ESRRB: variants seen among roughly 807,000 people sequenced by gnomAD.
The protein encoded by ESRRB is estrogen related receptor beta.
A neutral mutation model predicts 46.0 loss-of-function variants in ESRRB; 16 were observed. That is an observed-to-expected ratio of 0.35 (90% CI 0.24 to 0.53). ESRRB has a LOEUF of 0.53. Ranked by LOEUF, ESRRB falls within the 20% of genes least tolerant of loss-of-function variation. ESRRB has a pLI of 0.93. For missense variants in ESRRB, 488 were observed against 607.4 expected, an observed-to-expected ratio of 0.80 and a Z score of 2.07; for synonymous variants, 246 against 259.6, an observed-to-expected ratio of 0.95 and a Z score of 0.50.
In ESRRB at chr14:76,498,910, C is replaced by T. The variant is rs761621408; in HGVS notation, c.*452C>T. On this transcript the variant is annotated 3_prime_UTR_variant, in exon 7 of 7. Transcript: ENST00000644823. ...CTGGAGGTTTTCCTTCCGCAGAGGG[C>T]AGGTACGCAAGGGACAACAGTATCT... 1.9e-6 allele frequency: 1 copy of T among 526,904 alleles called. No homozygotes were observed. The highest frequency in any genetic ancestry group is 1.9e-5 in the African/African-American group (1 of 52,008). The allele number at this position is 526,904 out of a possible 1,614,324, so 32.6% of individuals were successfully genotyped here. A position where few individuals can be genotyped will look rare whatever the true frequency, so the allele number is the denominator to read the frequency against.
intron 1 of ESRRB, chr14:76,407,730 TACCAC>T: frequency 2.0e-5 from 6 of 297,236 alleles, no homozygotes; most frequent in Non-Finnish European, 3.0e-5. Flanking sequence ...AGGGCAGAAA[TACCAC>T]ATTACTGCCT....
At chr14:76,399,888 C>G (rs1211226583) in intron 1 of ESRRB, among the ~76,000 whole-genome samples, 1 of 152,212 alleles carries the variant, frequency 6.6e-6, no homozygotes, top group African/African-American at 2.4e-5. Flanking sequence ...TTTCAAGGAG[C>G]AAACTCGGTG....
At chr14:76,464,185 G>C (rs1028125205) in intron 3 of ESRRB, among the ~76,000 whole-genome samples, 2 of 152,190 alleles carry the variant, frequency 1.3e-5, no homozygotes, top group Non-Finnish European at 2.9e-5. Flanking sequence ...GTGTGTGGGG[G>C]TGATCAGAAG....
chr14:76,387,349 C>T (rs1885277065), intron 1 of ESRRB, among the ~76,000 whole-genome samples: 1 of 152,198 alleles, frequency 6.6e-6, no homozygotes, highest in Non-Finnish European at 1.5e-5. Flanking sequence ...CTCTAGAGCC[C>T]CCTACAGGCA....
At chr14:76,335,700 A>G (rs2139745417) in intron 1 of ESRRB, among the ~76,000 whole-genome samples, 1 of 152,238 alleles carries the variant, frequency 6.6e-6, no homozygotes, top group East Asian at 1.9e-4. Context: ...TGACTATGCC[A>G]TTCTCTTCCC....
At chr14:76,334,399 A>G (rs919321900) in intron 1 of ESRRB, among the ~76,000 whole-genome samples, 1 of 152,150 alleles carries the variant, frequency 6.6e-6, no homozygotes, top group Non-Finnish European at 1.5e-5. Context: ...CGGAGGGCCC[A>G]GTGTACCCCT....
chr14:76,465,166 G>C (rs946595635), intron 3 of ESRRB, among the ~76,000 whole-genome samples: 1 of 152,174 alleles, frequency 6.6e-6, no homozygotes, highest in Non-Finnish European at 1.5e-5. Context: ...CCCTACAGGG[G>C]CTGGGGTGAG....
chr14:76,369,698 C>G (rs1161594585), upstream of ESRRB, among the ~76,000 whole-genome samples: 1 of 152,104 alleles, frequency 6.6e-6, no homozygotes, highest in African/African-American at 2.4e-5. Flanking sequence ...CAATGAAGTT[C>G]TACCTTAATT....
chr14:76,490,677 C>T (rs955510871), intron 5 of ESRRB, among the ~76,000 whole-genome samples: 1 of 148,686 alleles, frequency 6.7e-6, no homozygotes, highest in African/African-American at 2.5e-5. Flanking sequence ...CTTCTCCATG[C>T]CCAACTTTAT....
chr14:76,460,663 A>G (rs969342275), intron 2 of ESRRB, among the ~76,000 whole-genome samples: 7 of 151,892 alleles, frequency 4.6e-5, no homozygotes, highest in African/African-American at 1.7e-4. Flanking sequence ...CACAATACCA[A>G]AACAGTACTG....
chr14:76,449,532 G>A (rs556533679), intron 2 of ESRRB, among the ~76,000 whole-genome samples: 60 of 151,820 alleles, frequency 4.0e-4, no homozygotes, highest in African/African-American at 1.3e-3. Context: ...CCTGGGTGAC[G>A]GAGCAAGACT....
Position 76,498,292 on chromosome 14 carries a change from T to C in ESRRB, c.1199T>C (p.Leu400Pro). The C allele has an allele frequency of 6.2e-7, 1 of 1,613,692 alleles. No individual in the cohort carries two copies. The highest frequency in any genetic ancestry group is 8.5e-7 in the Non-Finnish European group (1 of 1,179,970). The change falls in exon 7 of 7, where the codon CTG becomes CCG. Residue 400 changes from leucine (L) to proline (P), a missense_variant. Leu to Pro is a moderately conservative substitution (Grantham distance 98). Transcript: ENST00000644823. Reference sequence around the variant, plus strand: ...CACGAGGCACTGCAGGACTACGAGCTGAGCCAGCGCCATGAGGAGCCCTGG... The same window carrying C: ...CACGAGGCACTGCAGGACTACGAGCCGAGCCAGCGCCATGAGGAGCCCTGG... ...LLHEALQDYE[L>P]SQRHEEPWRT...
chr14:76,457,894 C>T (rs2139979452), intron 2 of ESRRB, among the ~76,000 whole-genome samples: 1 of 152,268 alleles, frequency 6.6e-6, no homozygotes, highest in South Asian at 2.1e-4. Flanking sequence ...ACACTGGTCT[C>T]AAACTCCTGA....
chr14:76,443,782 G>A (rs1279394223), intron 2 of ESRRB, among the ~76,000 whole-genome samples: 2 of 152,208 alleles, frequency 1.3e-5, no homozygotes, highest in African/African-American at 4.8e-5. Flanking sequence ...AATGTTCTCA[G>A]CAAGTCAGGA....
chr14:76,317,803 G>A (rs1883820204), intron 1 of ESRRB, among the ~76,000 whole-genome samples: 1 of 152,124 alleles, frequency 6.6e-6, no homozygotes, highest in African/African-American at 2.4e-5. Context: ...GAGCCACTGG[G>A]AGAGATCTCT....
chr14:76,391,554 C>G (rs2139820227), intron 1 of ESRRB, among the ~76,000 whole-genome samples: 1 of 152,356 alleles, frequency 6.6e-6, no homozygotes, highest in African/African-American at 2.4e-5. Context: ...TTTGGAGCGG[C>G]CTTGCCGAGG....
intron 2 of ESRRB, among the ~76,000 whole-genome samples, chr14:76,442,201 C>A (rs890035026): frequency 6.6e-6 from 1 of 152,134 alleles, no homozygotes; most frequent in East Asian, 1.9e-4. Context: ...ATCAGCTGGG[C>A]GTGGTGGCTC....
Position 76,500,078 on chromosome 14 carries a change from C to T in ESRRB, c.*1620C>T, listed in dbSNP as rs1430520209. ...CACCAGGAGGCCAGGTAACTTTCTG[C>T]AGCTTTTCCATAGAAGCCCTGGTCC... On this transcript the variant is annotated 3_prime_UTR_variant, in exon 7 of 7. Transcript: ENST00000644823. 8.4e-6 allele frequency: 13 copies of T among 1,547,636 alleles called. No individual in the cohort carries two copies. The highest frequency in any genetic ancestry group is 1.1e-5 in the Non-Finnish European group (13 of 1,143,898).
intron 1 of ESRRB, among the ~76,000 whole-genome samples, chr14:76,320,104 C>G (rs1406968634): frequency 2.0e-5 from 3 of 152,072 alleles, no homozygotes; most frequent in African/African-American, 7.3e-5. Flanking sequence ...ATGAATTTGC[C>G]TAATCATTTA....
Sources: allele counts gnomAD v4.1 joint callset (sites outside exome capture counted in the v4.1 genomes callset), GRCh38; gene constraint gnomAD v4.1.1; transcripts MANE v1.5; gene names NCBI Gene and HGNC (gene_info 2026-07-23, HGNC 2026-07-21).